Variants in RBFOX1 observed in about 807,000 individuals in gnomAD.
RBFOX1 encodes the protein RNA binding fox-1 homolog 1, also known as RNA binding protein fox-1 homolog 1.
A neutral mutation model predicts 57.7 loss-of-function variants in RBFOX1; 8 were observed. The ratio of observed to expected loss-of-function variants is 0.14; its 90% CI spans 0.08 to 0.25. RBFOX1 has a LOEUF of 0.25. Among genes scored for constraint, RBFOX1 ranks in the 10% least tolerant of loss-of-function variants. The pLI, the probability that RBFOX1 is intolerant of heterozygous loss-of-function variation, is 1.00. For missense variants in RBFOX1, 611 were observed against 548.5 expected, an observed-to-expected ratio of 1.11 and a Z score of -1.14; for synonymous variants, 326 against 222.4, an observed-to-expected ratio of 1.47 and a Z score of -4.15.
At chr16:6,562,014 C>A (rs915394535) in intron 2 of RBFOX1, among the ~76,000 whole-genome samples, 6 of 152,114 alleles carry the variant, frequency 3.9e-5, no homozygotes, top group African/African-American at 1.4e-4. Flanking sequence ...CATTATGAGG[C>A]CATGTTGGTG....
chr16:5,296,216 G>C (rs929664874), intron 1 of RBFOX1, among the ~76,000 whole-genome samples: 3 of 152,150 alleles, frequency 2.0e-5, no homozygotes, highest in African/African-American at 7.2e-5. Context: ...ATTCAGACTC[G>C]GTGTAGCATT....
At chr16:6,040,089 G>C (rs7189627) in intron 1 of RBFOX1, among the ~76,000 whole-genome samples, 12,837 of 152,212 alleles carry the variant, frequency 0.084, 656 homozygotes, top group African/African-American at 0.13. Context: ...TGGTGTATTT[G>C]TTACAATTCA....
At chr16:7,115,009 T>G (rs1275902572) in intron 4 of RBFOX1, among the ~76,000 whole-genome samples, 1 of 152,202 alleles carries the variant, frequency 6.6e-6, no homozygotes, top group Non-Finnish European at 1.5e-5. Flanking sequence ...GTATTTACTC[T>G]TTAGCTCCTT....
At chr16:7,669,559 C>T (rs984547518) in intron 13 of RBFOX1, among the ~76,000 whole-genome samples, 2 of 152,180 alleles carry the variant, frequency 1.3e-5, no homozygotes, top group South Asian at 2.1e-4. Context: ...TGAGGGCCGC[C>T]TAGCAAATAT....
intron 3 of RBFOX1, among the ~76,000 whole-genome samples, chr16:6,731,725 C>A (rs78258553): frequency 0.04 from 6,040 of 152,108 alleles, 329 homozygotes; most frequent in Admixed American, 0.12. Context: ...GTATATCTGG[C>A]TTCTTAGTCC....
chr16:6,797,406 G>C (rs752163670), intron 3 of RBFOX1, among the ~76,000 whole-genome samples: 2 of 152,096 alleles, frequency 1.3e-5, no homozygotes, highest in Non-Finnish European at 2.9e-5. Flanking sequence ...GCGAGAGAAA[G>C]GGGGAGAGAG....
intron 3 of RBFOX1, among the ~76,000 whole-genome samples, chr16:6,872,400 T>C (rs2061086524): frequency 6.6e-6 from 1 of 152,154 alleles, no homozygotes; most frequent in Non-Finnish European, 1.5e-5. Flanking sequence ...CCATAGCTCT[T>C]TTTTTAATCG....
chr16:5,623,274 T>A, intron 3 of RBFOX1, among the ~76,000 whole-genome samples: 1 of 152,088 alleles, frequency 6.6e-6, no homozygotes. Context: ...AGGACTCTAG[T>A]GGATTTCTTA....
rs1457412365 is a variant in RBFOX1, at chr16:7,163,817, C to T, written c.27+111719C>T. Among the ~76,000 whole-genome samples the T allele has an allele frequency of 2.6e-5, 4 of 152,138 alleles. No individual in the cohort carries two copies. The South Asian group carries it at 6.2e-4, about 24-fold the overall frequency. On this transcript the variant is annotated intron_variant, in intron 4 of 15. Coordinates refer to ENST00000550418, the MANE Select transcript of RBFOX1 (RefSeq NM_018723.4). Reference sequence around the variant, plus strand: ...GACTGTAGGCGCATGCCACCACACCCAGCTAATTTTTGTATTGTTTTTGGT... The same window carrying T: ...GACTGTAGGCGCATGCCACCACACCTAGCTAATTTTTGTATTGTTTTTGGT...
intron 1 of RBFOX1, among the ~76,000 whole-genome samples, chr16:5,249,011 A>AAG (rs2062377308): frequency 6.7e-6 from 1 of 150,164 alleles, no homozygotes; most frequent in African/African-American, 2.4e-5. Context: ...AAAAAAAAAA[A>AAG]AGAGGACAAG....
At chr16:7,471,121 C>A (rs760248754) in intron 4 of RBFOX1, among the ~76,000 whole-genome samples, 1 of 152,122 alleles carries the variant, frequency 6.6e-6, no homozygotes, top group South Asian at 2.1e-4. Flanking sequence ...ACAGTAACTA[C>A]GTCTTGTTTA....
At chr16:7,148,369 T>C (rs897070449) in intron 4 of RBFOX1, among the ~76,000 whole-genome samples, 2 of 152,232 alleles carry the variant, frequency 1.3e-5, no homozygotes, top group Non-Finnish European at 2.9e-5. Context: ...CATTATCATA[T>C]TAATTTTTTG....
At chr16:5,561,266 TA>T (rs141713951) in intron 2 of RBFOX1, among the ~76,000 whole-genome samples, 1 of 152,048 alleles carries the variant, frequency 6.6e-6, no homozygotes, top group East Asian at 1.9e-4. Flanking sequence ...CAACTTTCTT[TA>T]AAAAAAATTG....
intron 3 of RBFOX1, among the ~76,000 whole-genome samples, chr16:6,737,538 G>A (rs540958179): frequency 1.5e-4 from 23 of 152,314 alleles, no homozygotes; most frequent in African/African-American, 5.5e-4. Flanking sequence ...GGAAGTCATT[G>A]CTGCTCAACA....
At chr16:6,961,341 C>T (rs941332986) in intron 3 of RBFOX1, among the ~76,000 whole-genome samples, 1 of 152,146 alleles carries the variant, frequency 6.6e-6, no homozygotes, top group Admixed American at 6.5e-5. Context: ...TGGGTCCCTG[C>T]GTCCACTCCA....
At chr16:6,753,593 A>T (rs536588753) in intron 3 of RBFOX1, among the ~76,000 whole-genome samples, 1 of 152,254 alleles carries the variant, frequency 6.6e-6, no homozygotes, top group South Asian at 2.1e-4. Context: ...TCATCTCTTC[A>T]TCAACTCCTG....
chr16:7,324,446 C>G (rs140468894), intron 4 of RBFOX1, among the ~76,000 whole-genome samples: 14 of 152,238 alleles, frequency 9.2e-5, no homozygotes, highest in African/African-American at 2.2e-4. Flanking sequence ...CATCCTCCCC[C>G]CTTCTGAGAG....
rs370559131 is a variant in RBFOX1, at chr16:6,384,506, G to A, written c.-64+67449G>A. Among the ~76,000 whole-genome samples the A allele has an allele frequency of 6.6e-5, 10 of 151,928 alleles. No homozygotes were observed. In the East Asian group the frequency reaches 9.7e-4, roughly 15 times the overall value. On this transcript the variant is annotated intron_variant, in intron 2 of 15. Coordinates refer to ENST00000550418, the MANE Select transcript of RBFOX1 (RefSeq NM_018723.4). ...ATTTCCTTTCTATCTAACATAAGTT[G>A]TACAGGGCTTCTGAAGAGTGTGCAT...
chr16:6,888,918 C>G (rs913337327), intron 3 of RBFOX1, among the ~76,000 whole-genome samples: 1 of 152,302 alleles, frequency 6.6e-6, no homozygotes, highest in South Asian at 2.1e-4. Flanking sequence ...ATTCTCCTGC[C>G]AAGCAGATAG....
Sources: gnomAD v4.1 joint callset for allele counts (sites outside exome capture counted in the v4.1 genomes callset) on GRCh38, gnomAD v4.1.1 for gene constraint, MANE v1.5 for transcripts, NCBI Gene and HGNC (gene_info 2026-07-23, HGNC 2026-07-21) for gene names.